FAM20B: variants seen among roughly 807,000 people sequenced by gnomAD.
The protein encoded by FAM20B is FAM20B glycosaminoglycan xylosylkinase.
A neutral mutation model predicts 43.8 loss-of-function variants in FAM20B; 23 were observed. The observed-to-expected ratio is 0.53, with a 90% confidence interval of 0.38 to 0.74. The LOEUF is 0.74. Among genes scored for constraint, FAM20B ranks in the 30% least tolerant of loss-of-function variants. The pLI, the probability that FAM20B is intolerant of heterozygous loss-of-function variation, is 0.00. For missense variants in FAM20B, 440 were observed against 510.5 expected, an observed-to-expected ratio of 0.86 and a Z score of 1.33; for synonymous variants, 178 against 192.4, an observed-to-expected ratio of 0.93 and a Z score of 0.62.
chr1:179,040,197 C>T (rs977837117), intron 1 of FAM20B, among the ~76,000 whole-genome samples: 64 of 152,358 alleles, frequency 4.2e-4, no homozygotes, highest in Non-Finnish European at 6.8e-4. Flanking sequence ...CCCCTTTCTA[C>T]TCCACAAAAC....
intron 2 of FAM20B, among the ~76,000 whole-genome samples, chr1:179,046,445 G>GT (rs1650775203): frequency 6.6e-6 from 1 of 152,152 alleles, no homozygotes; most frequent in Admixed American, 6.5e-5. Flanking sequence ...GACGTCAGGA[G>GT]TTTGAGACCA....
intron 1 of FAM20B, among the ~76,000 whole-genome samples, chr1:179,026,366 G>A (rs1036720857): frequency 1.3e-4 from 19 of 151,952 alleles, no homozygotes; most frequent in Admixed American, 8.5e-4. Flanking sequence ...CGGCTGAAGG[G>A]ACGCGGCCTC....
intron 6 of FAM20B, among the ~76,000 whole-genome samples, chr1:179,065,484 A>G (rs1375340513): frequency 2.0e-5 from 3 of 152,290 alleles, no homozygotes; most frequent in South Asian, 4.1e-4. Flanking sequence ...GGAGTACAGA[A>G]TTTTCCAGGC....
intron 1 of FAM20B, among the ~76,000 whole-genome samples, chr1:179,026,772 G>A (rs542498681): frequency 6.6e-6 from 1 of 152,354 alleles, no homozygotes; most frequent in South Asian, 2.1e-4. Flanking sequence ...GATTAAGAGC[G>A]GACCGATACG....
intron 2 of FAM20B, among the ~76,000 whole-genome samples, chr1:179,046,910 C>T (rs947743441): frequency 2.6e-5 from 4 of 151,810 alleles, no homozygotes; most frequent in South Asian, 2.1e-4. Flanking sequence ...GCAGGAGAAT[C>T]GCTTGAACCC....
rs561266417 is a variant in FAM20B at position 179,043,976 on chromosome 1, A to C, written c.129A>C (p.Arg43=). The change falls in exon 2 of 8, where the codon CGA becomes CGC. Residue 43 remains arginine (R), a synonymous_variant. Coordinates refer to ENST00000263733, the MANE Select transcript of FAM20B (RefSeq NM_014864.4). Reference sequence around the variant, plus strand: ...GGGAGGACCAGAGGGCCTTTCACCGAATGATGACTGGCTTGCGGGTGGAGC... The same window carrying C: ...GGGAGGACCAGAGGGCCTTTCACCGCATGATGACTGGCTTGCGGGTGGAGC... ...ANREDQRAFH[R]MMTGLRVELA... is the part of the protein sequence containing the mutation. The C allele has an allele frequency of 1.3e-4, 216 of 1,614,188 alleles. 3 individuals are homozygous for C. The South Asian group carries it at 1.9e-3, about 14-fold the overall frequency.
intron 1 of FAM20B, among the ~76,000 whole-genome samples, chr1:179,040,458 T>G (rs1359136342): frequency 6.8e-6 from 1 of 146,602 alleles, no homozygotes; most frequent in African/African-American, 2.6e-5. Flanking sequence ...GCCCCTCACC[T>G]CCCGGACGAG....
upstream of FAM20B, among the ~76,000 whole-genome samples, chr1:179,025,158 C>A (rs1167484082): frequency 1.3e-5 from 2 of 152,258 alleles, no homozygotes; most frequent in Admixed American, 6.5e-5. Flanking sequence ...CAGAATCTTT[C>A]ATTCACACGA....
At chr1:179,066,650 C>T (rs1051494113) in intron 6 of FAM20B, 150 bp from the exon 7 acceptor site, 8 of 634,600 alleles carry the variant, frequency 1.3e-5, no homozygotes, top group East Asian at 8.2e-5. Context: ...GGTCATGCCC[C>T]GCTTGTTTTC....
Position 179,041,233 on chromosome 1 carries a change from T to G in FAM20B, c.-133-2482T>G, listed in dbSNP as rs111978219. The stretch of plus-strand genomic sequence containing the variant: ...ACGATGGGCAACCAGGCAGAGACGC[T>G]CCTCACTTCCCAGACGGGGTGGCGG... On this transcript the variant is annotated intron_variant, in intron 1 of 7. Coordinates refer to ENST00000263733, the MANE Select transcript of FAM20B (RefSeq NM_014864.4). Among the ~76,000 whole-genome samples the G allele has an allele frequency of 2.3e-3, 352 of 151,828 alleles. 2 individuals are homozygous for G. The highest frequency in any genetic ancestry group is 8.1e-3 in the African/African-American group (335 of 41,162).
intron 1 of FAM20B, among the ~76,000 whole-genome samples, chr1:179,040,849 C>T (rs1458659193): frequency 6.6e-6 from 1 of 151,848 alleles, no homozygotes; most frequent in Non-Finnish European, 1.5e-5. Flanking sequence ...GGGCTCCTCA[C>T]TTCTCAGACA....
At chr1:179,026,714 C>A (rs1022690525) in intron 1 of FAM20B, among the ~76,000 whole-genome samples, 3 of 152,220 alleles carry the variant, frequency 2.0e-5, no homozygotes, top group African/African-American at 7.2e-5. Context: ...TGTGTTAGCC[C>A]TCAGTGGGCT....
At position 179,059,845 on chromosome 1, in the gene FAM20B, G is replaced by A. The variant is rs1441260728; in HGVS notation, c.575-4082G>A. On this transcript the variant is annotated intron_variant, in intron 4 of 7. Transcript: ENST00000263733. ...AAATTAGCCGGGTGTGGTGGTGCACGTCTGTAATCCCAACTACTTGGGAGG... is the reference window on the plus strand; with the variant it reads ...AAATTAGCCGGGTGTGGTGGTGCACATCTGTAATCCCAACTACTTGGGAGG... 9.2e-5 allele frequency among the ~76,000 whole-genome samples: 14 copies of A among 151,912 alleles called. No homozygotes were observed. The East Asian group carries it at 1.4e-3, about 15-fold the overall frequency.
At chr1:179,040,970 C>T (rs954983138) in intron 1 of FAM20B, among the ~76,000 whole-genome samples, 2 of 150,048 alleles carry the variant, frequency 1.3e-5, no homozygotes, top group Non-Finnish European at 3.0e-5. Context: ...TCCTCACATC[C>T]CAGACGGGGC....
intron 2 of FAM20B, among the ~76,000 whole-genome samples, chr1:179,049,380 CGTCATCATAAACTTAAAAAAAA>C (rs1322821682): frequency 6.6e-6 from 1 of 151,968 alleles, no homozygotes; most frequent in Non-Finnish European, 1.5e-5. Flanking sequence ...CCTTGTAGTA[CGTCATCATAAACTTAAAAAAAA>C]AGAACAAGAA....
At chr1:179,040,471 G>A (rs1283761725) in intron 1 of FAM20B, among the ~76,000 whole-genome samples, 5 of 149,448 alleles carry the variant, frequency 3.3e-5, no homozygotes, top group South Asian at 4.2e-4. Context: ...CGGACGAGGC[G>A]GCTAGCCGGG....
At chr1:179,060,196 G>A (rs1321250920) in intron 4 of FAM20B, among the ~76,000 whole-genome samples, 1 of 152,036 alleles carries the variant, frequency 6.6e-6, no homozygotes, top group South Asian at 2.1e-4. Flanking sequence ...CTAGAAATCT[G>A]TATCACATCA....
intron 5 of FAM20B, 21 bp from the exon 6 acceptor site, chr1:179,064,284 T>G: frequency 6.3e-7 from 1 of 1,588,002 alleles, no homozygotes. Context: ...CACTCAGTGC[T>G]GTGATGCTGC....
intron 4 of FAM20B, among the ~76,000 whole-genome samples, chr1:179,059,407 G>A (rs1290815726): frequency 1.3e-5 from 2 of 152,124 alleles, no homozygotes; most frequent in Non-Finnish European, 2.9e-5. Flanking sequence ...TACTATTGTT[G>A]TCTCCATTTT....
Sources: gnomAD v4.1 joint callset for allele counts (sites outside exome capture counted in the v4.1 genomes callset) on GRCh38, gnomAD v4.1.1 for gene constraint, MANE v1.5 for transcripts, NCBI Gene and HGNC (gene_info 2026-07-23, HGNC 2026-07-21) for gene names.